The following MYO5A variants were observed in gnomAD, a reference collection of about 807,000 sequenced individuals.
MYO5A encodes the protein myosin VA.
MYO5A carries 98 observed loss-of-function variants against 249.7 expected under a neutral mutation model. The ratio of observed to expected loss-of-function variants is 0.39; its 90% confidence interval spans 0.33 to 0.46. The LOEUF (loss-of-function observed/expected upper bound fraction) is 0.46. Ranked by LOEUF, MYO5A falls within the 20% of genes least tolerant of loss-of-function variation. The pLI is 0.98. For missense variants in MYO5A, 1,696 were observed against 2,308.8 expected, an observed-to-expected ratio of 0.73 and a Z score of 5.44; for synonymous variants, 778 against 810.6, an observed-to-expected ratio of 0.96 and a Z score of 0.68.
At chr15:52,330,214 T>G (rs1036576964) in intron 35 of MYO5A, 139 bp downstream of exon 35, 3 of 1,150,404 alleles carry the variant, frequency 2.6e-6, no homozygotes, top group Non-Finnish European at 2.6e-6. Flanking sequence ...GTCAGAACAC[T>G]ACTGCAGCAC....
At chr15:52,501,673 ATTTG>A (rs1595802691) in intron 1 of MYO5A, among the ~76,000 whole-genome samples, 1 of 152,124 alleles carries the variant, frequency 6.6e-6, no homozygotes, top group East Asian at 1.9e-4. Flanking sequence ...AAAAGAAAAT[ATTTG>A]TTTTTTTCTG....
intron 23 of MYO5A, among the ~76,000 whole-genome samples, chr15:52,366,648 A>AAAAAAAAAAAAAC (rs2040826265): frequency 6.8e-6 from 1 of 147,662 alleles, no homozygotes. Flanking sequence ...AAAAAAAAAA[A>AAAAAAAAAAAAAC]AAAGACAATA....
At chr15:52,422,806 T>C (rs901481060) in intron 4 of MYO5A, among the ~76,000 whole-genome samples, 1 of 152,150 alleles carries the variant, frequency 6.6e-6, no homozygotes, top group Admixed American at 6.6e-5. Flanking sequence ...AGCCTTCAAC[T>C]CCTGGGCTCA....
chr15:52,482,173 T>C (rs146207314), intron 1 of MYO5A, among the ~76,000 whole-genome samples: 34 of 152,342 alleles, frequency 2.2e-4, no homozygotes, highest in Admixed American at 7.2e-4. Flanking sequence ...ACGGGGTCTG[T>C]GAGCTTGAGA....
At position 52,353,867 on chromosome 15, in the gene MYO5A, G is replaced by A. The variant is rs186277072; in HGVS notation, c.3567+4C>T. On this transcript the variant is annotated splice_donor_region_variant and intron_variant, in intron 26 of 41. Coordinates refer to ENST00000399233, the MANE Select transcript of MYO5A (RefSeq NM_001382347.1). The stretch of plus-strand genomic sequence containing the variant: ...CAGCTCTGCGGATGGGCTGTGCTGC[G>A]CACCTTGGCCTTGCTGCGGAGCACC... 69 of 1,613,596 alleles carry A rather than the reference G, an allele frequency of 4.3e-5. 1 individual carries two copies. The Middle Eastern group carries it at 1.2e-3, about 28-fold the overall frequency.
chr15:52,487,471 C>T (rs1163107917), intron 1 of MYO5A, among the ~76,000 whole-genome samples: 1 of 151,812 alleles, frequency 6.6e-6, no homozygotes, highest in Non-Finnish European at 1.5e-5. Context: ...CAACTATAAT[C>T]GCAACACTTT....
At chr15:52,345,499 C>T (rs977981037) in intron 30 of MYO5A, among the ~76,000 whole-genome samples, 3 of 151,262 alleles carry the variant, frequency 2.0e-5, no homozygotes, top group African/African-American at 7.3e-5. Context: ...GCAGGAGAAT[C>T]GCTTGAACCT....
rs958574029 is a variant in MYO5A at position 52,340,052 on chromosome 15, C to T, written c.4239+144G>A. 1.5e-5 allele frequency: 13 copies of T among 853,854 alleles called. No homozygotes were observed. The African/African-American group carries it at 2.0e-4, about 13-fold the overall frequency. The allele number at this position is 853,854 out of a possible 1,614,324, so 52.9% of individuals were successfully genotyped here. Reference sequence around the variant, plus strand: ...TACCAAAATATTTGTATTTTCCTTACTCTGTCTCTGCTGGAGTAAGAGGGG... The same window carrying T: ...TACCAAAATATTTGTATTTTCCTTATTCTGTCTCTGCTGGAGTAAGAGGGG... On this transcript the variant is annotated intron_variant, in intron 32 of 41. Coordinates refer to ENST00000399233, the MANE Select transcript of MYO5A (RefSeq NM_001382347.1).
chr15:52,371,340 C>A (rs2041103685), intron 21 of MYO5A, among the ~76,000 whole-genome samples: 1 of 152,148 alleles, frequency 6.6e-6, no homozygotes, highest in Admixed American at 6.5e-5. Context: ...ATCAAACAAA[C>A]TTTTATCTCT....
intron 2 of MYO5A, among the ~76,000 whole-genome samples, chr15:52,429,281 C>T (rs530963658): frequency 1.1e-3 from 173 of 152,292 alleles, no homozygotes; most frequent in Middle Eastern, 3.4e-3. Context: ...AGGCCGGACA[C>T]AGTGGCTCAC....
Position 52,503,304 on chromosome 15 carries a change from T to C in MYO5A, c.27+25476A>G, listed in dbSNP as rs570388733. Among the ~76,000 whole-genome samples, 4 of 152,304 alleles carry C rather than the reference T, an allele frequency of 2.6e-5. No homozygotes were observed. The South Asian group carries it at 8.3e-4, about 32-fold the overall frequency. On this transcript the variant is annotated intron_variant, in intron 1 of 41. Transcript: ENST00000399233. ...AAATTATAACATTACCCGCAAAATATGTACATCTATTATGTATCAATAAAA... is the reference window on the plus strand; with the variant it reads ...AAATTATAACATTACCCGCAAAATACGTACATCTATTATGTATCAATAAAA...
chr15:52,385,826 C>T (rs149071792), intron 14 of MYO5A, among the ~76,000 whole-genome samples: 71 of 152,202 alleles, frequency 4.7e-4, no homozygotes, highest in African/African-American at 1.6e-3. Flanking sequence ...TCAGCAAAGA[C>T]CAGCAGCAGA....
intron 1 of MYO5A, among the ~76,000 whole-genome samples, chr15:52,468,259 A>G (rs952961301): frequency 6.6e-6 from 1 of 152,176 alleles, no homozygotes; most frequent in African/African-American, 2.4e-5. Flanking sequence ...CCGAGGTCAC[A>G]CCACTGTACA....
At chr15:52,470,375 G>C (rs1173278497) in intron 1 of MYO5A, among the ~76,000 whole-genome samples, 2 of 152,242 alleles carry the variant, frequency 1.3e-5, no homozygotes, top group Non-Finnish European at 2.9e-5. Context: ...CCTTGGGCCA[G>C]GCGCAGTGGC....
rs138905572 is a variant in MYO5A at position 52,472,546 on chromosome 15, C to A, written c.28-39261G>T. ...TCTCCTAATGCTATCCCTCCCCCAT[C>A]CCCCCACCGCACAACAGGCCCCGGT... On this transcript the variant is annotated intron_variant, in intron 1 of 41. Coordinates refer to ENST00000399233, the MANE Select transcript of MYO5A (RefSeq NM_001382347.1). 4.5e-4 allele frequency among the ~76,000 whole-genome samples: 68 copies of A among 152,166 alleles called. 1 individual carries two copies. In the East Asian group the frequency reaches 7.2e-3, roughly 16 times the overall value.
intron 1 of MYO5A, among the ~76,000 whole-genome samples, chr15:52,438,498 G>C (rs1345841110): frequency 6.6e-6 from 1 of 152,196 alleles, no homozygotes; most frequent in Non-Finnish European, 1.5e-5. Context: ...CCTGTTGAGA[G>C]ACAGGACTAG....
intron 4 of MYO5A, among the ~76,000 whole-genome samples, chr15:52,418,482 GTCTA>G (rs2043624512): frequency 6.6e-6 from 1 of 152,122 alleles, no homozygotes; most frequent in Non-Finnish European, 1.5e-5. Flanking sequence ...TATAAAAAAG[GTCTA>G]TCTAAGATAC....
In MYO5A at chr15:52,307,871, A is replaced by C. The variant is rs2037667144; in HGVS notation, c.*5825T>G. 1.3e-5 allele frequency: 2 copies of C among 152,176 alleles called. No homozygotes were observed. The highest frequency in any genetic ancestry group is 2.9e-5 in the Non-Finnish European group (2 of 67,988). 9.4% of individuals were successfully genotyped at this position (152,176 alleles called of 1,614,324 possible). The stretch of plus-strand genomic sequence containing the variant: ...GACACAAAAAAGTCAATTTTACTGC[A>C]GGATCCCACAAAAATACATAACCAG... On this transcript the variant is annotated 3_prime_UTR_variant, in exon 42 of 42. Coordinates refer to ENST00000399233, the MANE Select transcript of MYO5A (RefSeq NM_001382347.1).
Position 52,433,295 on chromosome 15 carries a change from A to G in MYO5A, c.28-10T>C, listed in dbSNP as rs375279331. The G allele has an allele frequency of 1.9e-6, 3 of 1,555,528 alleles. No homozygotes were observed. In the African/African-American group the frequency reaches 4.1e-5, roughly 21 times the overall value. Reference sequence around the variant, plus strand: ...TCCAAACCCTGGCAAACTAGAAGACAAAAAGAAAAAAATTTAAACTAGCAA... The same window carrying G: ...TCCAAACCCTGGCAAACTAGAAGACGAAAAGAAAAAAATTTAAACTAGCAA... On this transcript the variant is annotated splice_polypyrimidine_tract_variant and intron_variant, in intron 1 of 41. Coordinates refer to ENST00000399233, the MANE Select transcript of MYO5A (RefSeq NM_001382347.1).
Sources: allele counts gnomAD v4.1 joint callset (sites outside exome capture counted in the v4.1 genomes callset), GRCh38; gene constraint gnomAD v4.1.1; transcripts MANE v1.5; gene names NCBI Gene and HGNC (gene_info 2026-07-23, HGNC 2026-07-21).